C3orf52: variants seen among roughly 807,000 people sequenced by gnomAD.
C3orf52 encodes TPA-induced transmembrane protein.
Under a neutral mutation model 24.8 loss-of-function variants are expected in C3orf52, and 22 were observed. That is an observed-to-expected ratio of 0.89 (90% CI 0.63 to 1.27). C3orf52 has a LOEUF of 1.27. Among genes scored for constraint, C3orf52 ranks in the 50% most tolerant of loss-of-function variants. The pLI, the probability that C3orf52 is intolerant of heterozygous loss-of-function variation, is 0.00. For missense variants in C3orf52, 265 were observed against 260.7 expected (o/e 1.02, Z -0.11); for synonymous variants, 93 against 100.2 (o/e 0.93, Z 0.43).
chr3:112,093,009 A>T (rs1236749236), intron 1 of C3orf52, among the ~76,000 whole-genome samples: 1 of 151,912 alleles, frequency 6.6e-6, no homozygotes, highest in Non-Finnish European at 1.5e-5. Flanking sequence ...AACTTTCATT[A>T]TTTGCCTCTG....
chr3:112,112,624 G>T (rs2074094248), intron 4 of C3orf52, among the ~76,000 whole-genome samples: 1 of 152,204 alleles, frequency 6.6e-6, no homozygotes, highest in Admixed American at 6.5e-5. Context: ...AGGGATGAAG[G>T]CTGGGGTTGG....
chr3:112,134,223 C>A (rs1415950218), downstream of C3orf52: 9 of 152,288 alleles, frequency 5.9e-5, no homozygotes, highest in African/African-American at 1.9e-4. Flanking sequence ...CGTCCACATC[C>A]ATCAACTTTC....
chr3:112,100,311 T>C (rs1293062397), intron 2 of C3orf52, among the ~76,000 whole-genome samples: 4 of 152,220 alleles, frequency 2.6e-5, no homozygotes, highest in African/African-American at 9.7e-5. Context: ...CAAAGAACTG[T>C]TTTCATGTTC....
intron 2 of C3orf52, among the ~76,000 whole-genome samples, chr3:112,100,440 C>A (rs912781534): frequency 6.6e-6 from 1 of 152,154 alleles, no homozygotes; most frequent in Non-Finnish European, 1.5e-5. Flanking sequence ...GTAAGCCTGT[C>A]GTTGTTACTA....
intron 2 of C3orf52, among the ~76,000 whole-genome samples, chr3:112,101,840 T>C (rs1243031397): frequency 2.6e-5 from 4 of 152,316 alleles, no homozygotes; most frequent in Non-Finnish European, 1.5e-5. Context: ...GGTAGTCTCC[T>C]GTGTGGGACC....
At chr3:112,096,590 T>C (rs939140375) in intron 2 of C3orf52, among the ~76,000 whole-genome samples, 2 of 152,204 alleles carry the variant, frequency 1.3e-5, no homozygotes, top group African/African-American at 2.4e-5. Context: ...AAATAATAAC[T>C]AAGACGGAAT....
intron 4 of C3orf52, chr3:112,125,291 A>G: frequency 6.8e-7 from 1 of 1,477,060 alleles, no homozygotes; most frequent in Non-Finnish European, 9.5e-7. Flanking sequence ...ATTTCAGGTT[A>G]TGGGGAGATT....
intron 1 of C3orf52, among the ~76,000 whole-genome samples, chr3:112,086,832 C>T (rs1360251759): frequency 6.6e-6 from 1 of 152,214 alleles, no homozygotes; most frequent in Non-Finnish European, 1.5e-5. Context: ...AGAGGTATTC[C>T]GGAGATGGAA....
chr3:112,113,677 T>C (rs576030251), intron 5 of C3orf52, among the ~76,000 whole-genome samples: 1 of 152,312 alleles, frequency 6.6e-6, no homozygotes, highest in East Asian at 1.9e-4. Flanking sequence ...CTTAGAAAAT[T>C]ATGACAAATT....
At chr3:112,115,953 A>G (rs926791063) in intron 5 of C3orf52, among the ~76,000 whole-genome samples, 1 of 151,582 alleles carries the variant, frequency 6.6e-6, no homozygotes, top group Non-Finnish European at 1.5e-5. Context: ...TAGGAGGGGG[A>G]AGTCTGTTTT....
At chr3:112,109,493 A>G in intron 3 of C3orf52, 50 bp from the exon 4 acceptor site, 3 of 1,223,082 alleles carry the variant, frequency 2.5e-6, no homozygotes, top group Non-Finnish European at 3.6e-6. Flanking sequence ...GTGATGTGTA[A>G]TATGATCTGT....
At chr3:112,105,419 C>T (rs1423627525) in intron 3 of C3orf52, among the ~76,000 whole-genome samples, 4 of 152,164 alleles carry the variant, frequency 2.6e-5, no homozygotes, top group Non-Finnish European at 5.9e-5. Context: ...TAACTCCTTT[C>T]TTCCATTAGG....
intron 4 of C3orf52, among the ~76,000 whole-genome samples, chr3:112,123,934 C>T (rs979593367): frequency 3.3e-5 from 5 of 152,164 alleles, no homozygotes; most frequent in Non-Finnish European, 7.3e-5. Flanking sequence ...CTACCCCAAC[C>T]ACTAGGCTAG....
At chr3:112,106,668 T>C (rs1262332471) in intron 3 of C3orf52, among the ~76,000 whole-genome samples, 1 of 152,176 alleles carries the variant, frequency 6.6e-6, no homozygotes, top group Non-Finnish European at 1.5e-5. Context: ...ACAGTATACA[T>C]ATTGTTATTA....
intron 4 of C3orf52, chr3:112,123,310 G>A (rs2074234711): frequency 7.0e-7 from 1 of 1,438,050 alleles, no homozygotes; most frequent in Non-Finnish European, 9.2e-7. Context: ...AAGAGGGCTT[G>A]TGGTATACAA....
intron 2 of C3orf52, among the ~76,000 whole-genome samples, chr3:112,097,443 A>G (rs1252395702): frequency 6.6e-6 from 1 of 152,124 alleles, no homozygotes. Context: ...TAATTTATAC[A>G]CCTTTTATGA....
chr3:112,114,515 C>A (rs944087393), intron 5 of C3orf52, among the ~76,000 whole-genome samples: 7 of 151,870 alleles, frequency 4.6e-5, no homozygotes, highest in African/African-American at 1.5e-4. Context: ...ACAAGCCTGG[C>A]CAACATGGTG....
At chr3:112,130,389 A>G, downstream of C3orf52, 1 of 1,412,126 alleles carries the variant, frequency 7.1e-7, no homozygotes, top group Non-Finnish European at 1.0e-6. Context: ...AGGGCTTGAC[A>G]TACTTCGTTC....
chr3:112,124,825 G>T (rs2074276121), intron 4 of C3orf52, among the ~76,000 whole-genome samples: 1 of 152,128 alleles, frequency 6.6e-6, no homozygotes, highest in Non-Finnish European at 1.5e-5. Context: ...TTTGAATCCT[G>T]GTTCCGCCCC....
Sources: allele counts gnomAD v4.1 joint callset (sites outside exome capture counted in the v4.1 genomes callset), GRCh38; gene constraint gnomAD v4.1.1; transcripts MANE v1.5; gene names NCBI Gene and HGNC (gene_info 2026-07-23, HGNC 2026-07-21).